Variants in DPYSL5 observed in about 807,000 individuals in gnomAD.
DPYSL5 encodes dihydropyrimidinase like 5.
A neutral mutation model predicts 58.4 loss-of-function variants in DPYSL5; 9 were observed. The observed-to-expected ratio is 0.15, with a 90% CI of 0.09 to 0.27. The LOEUF (loss-of-function observed/expected upper bound fraction) is 0.27. Among genes scored for constraint, DPYSL5 ranks in the 10% least tolerant of loss-of-function variants. The pLI is 1.00. For synonymous variants in DPYSL5, 293 were observed against 301.9 expected (o/e 0.97, Z 0.31); for missense variants, 499 against 770.6 (o/e 0.65, Z 4.17).
At position 26,933,210 on chromosome 2, in the gene DPYSL5, A is replaced by T; in HGVS notation, c.715-48A>T. 1 of 1,569,620 alleles carries T rather than the reference A, an allele frequency of 6.4e-7. No homozygotes were observed. The highest frequency in any genetic ancestry group is 1.7e-4 in the Middle Eastern group (1 of 5,996). On this transcript the variant is annotated intron_variant, in intron 6 of 12. Coordinates refer to ENST00000288699, the MANE Select transcript of DPYSL5 (RefSeq NM_020134.4). The surrounding 1 kb of genome is among the most constrained non-coding windows in gnomAD (Gnocchi z 4.2). ...TGCCAGGGTTATTCTGATGCTTGTGAAGTTTATGGGTCAACCCTCCCTACT... is the reference window on the plus strand; with the variant it reads ...TGCCAGGGTTATTCTGATGCTTGTGTAGTTTATGGGTCAACCCTCCCTACT...
At chr2:26,861,932 T>A (rs996090831) in intron 1 of DPYSL5, among the ~76,000 whole-genome samples, 1 of 152,214 alleles carries the variant, frequency 6.6e-6, no homozygotes, top group African/African-American at 2.4e-5. Context: ...TTTTGCTTGA[T>A]GAAGTAAGTG....
At chr2:26,864,949 A>G (rs1454509607) in intron 1 of DPYSL5, among the ~76,000 whole-genome samples, 1 of 152,176 alleles carries the variant, frequency 6.6e-6, no homozygotes, top group African/African-American at 2.4e-5. Context: ...GTCAGAAATG[A>G]GGAGACCTTG....
chr2:26,887,863 TTCAGGAACATAATGCCACAGGA>T (rs1375280268), intron 1 of DPYSL5, among the ~76,000 whole-genome samples: 1 of 152,086 alleles, frequency 6.6e-6, no homozygotes, highest in African/African-American at 2.4e-5. Flanking sequence ...CCATGAATGG[TTCAGGAACATAATGCCACAGGA>T]TCAGAATCCT....
chr2:26,923,645 T>C lies in DPYSL5; in HGVS notation c.262-1242T>C, dbSNP rs1402700438. On this transcript the variant is annotated intron_variant, in intron 2 of 12. Coordinates refer to ENST00000288699, the MANE Select transcript of DPYSL5 (RefSeq NM_020134.4). ...CACAAAGACTCTCATGTTATGGGAC[T>C]CTCAATTATTTAATTTAATTAATTT... is the stretch of plus-strand genomic sequence containing the variant. Among the ~76,000 whole-genome samples the C allele has an allele frequency of 2.0e-5, 3 of 152,180 alleles. No homozygotes were observed. In the East Asian group the frequency reaches 5.8e-4, roughly 29 times the overall value.
chr2:26,879,475 A>G (rs1663500782), intron 1 of DPYSL5, among the ~76,000 whole-genome samples: 1 of 151,772 alleles, frequency 6.6e-6, no homozygotes, highest in Non-Finnish European at 1.5e-5. Context: ...AAAAAAAAAA[A>G]AAAAAAGCCC....
At chr2:26,945,456 TG>T (rs1325500887) in intron 12 of DPYSL5, among the ~76,000 whole-genome samples, 1 of 152,110 alleles carries the variant, frequency 6.6e-6, no homozygotes, top group African/African-American at 2.4e-5. Flanking sequence ...CTGGGTTCCT[TG>T]GGGGGTGCGA....
intron 1 of DPYSL5, among the ~76,000 whole-genome samples, chr2:26,878,940 C>A (rs1373508866): frequency 6.6e-6 from 1 of 152,212 alleles, no homozygotes; most frequent in East Asian, 1.9e-4. Flanking sequence ...GTCCTCCAGC[C>A]CAGTCAGTGT....
At chr2:26,910,613 C>G (rs1249347311) in intron 2 of DPYSL5, among the ~76,000 whole-genome samples, 1 of 123,318 alleles carries the variant, frequency 8.1e-6, no homozygotes, top group Non-Finnish European at 1.7e-5. Flanking sequence ...CTTTCTTCTT[C>G]TTCTTTTTTT....
chr2:26,878,007 T>A (rs1422894353), intron 1 of DPYSL5, among the ~76,000 whole-genome samples: 1 of 152,254 alleles, frequency 6.6e-6, no homozygotes, highest in African/African-American at 2.4e-5. Context: ...TCGTACTACA[T>A]CTTTGTACAA....
intron 2 of DPYSL5, among the ~76,000 whole-genome samples, chr2:26,919,790 C>G (rs1234487491): frequency 1.3e-5 from 2 of 152,122 alleles, no homozygotes; most frequent in Non-Finnish European, 2.9e-5. Context: ...TGGCAGTGTC[C>G]ACCTAGAATG....
At chr2:26,894,079 T>G (rs1437621790) in intron 1 of DPYSL5, among the ~76,000 whole-genome samples, 2 of 149,082 alleles carry the variant, frequency 1.3e-5, no homozygotes, top group Non-Finnish European at 3.0e-5. Context: ...AATTATATAA[T>G]TATAATTCAT....
chr2:26,869,025 C>T (rs961044621), intron 1 of DPYSL5, among the ~76,000 whole-genome samples: 11 of 152,100 alleles, frequency 7.2e-5, no homozygotes, highest in African/African-American at 1.2e-4. Flanking sequence ...AGTGTAGTAG[C>T]GCAGTCACAG....
chr2:26,943,786 A>G (rs1234865020), intron 11 of DPYSL5, among the ~76,000 whole-genome samples: 2 of 152,302 alleles, frequency 1.3e-5, no homozygotes, highest in African/African-American at 4.8e-5. Flanking sequence ...TGGGATTGGA[A>G]CCTAGGCAGT....
chr2:26,940,508 T>A (rs368449520), intron 9 of DPYSL5, among the ~76,000 whole-genome samples: 3,789 of 151,616 alleles, frequency 0.025, 85 homozygotes, highest in Middle Eastern at 0.044. Context: ...TACTTTTTTT[T>A]TTTTTTTTCC....
At chr2:26,914,949 G>C (rs1664526843) in intron 2 of DPYSL5, among the ~76,000 whole-genome samples, 1 of 152,018 alleles carries the variant, frequency 6.6e-6, no homozygotes, top group African/African-American at 2.4e-5. Flanking sequence ...ATACCCCCGG[G>C]CTTCCTCCTA....
intron 2 of DPYSL5, among the ~76,000 whole-genome samples, chr2:26,919,223 G>A (rs4441421): frequency 0.57 from 86,322 of 152,016 alleles, 25,157 homozygotes; most frequent in East Asian, 0.68. Flanking sequence ...TGAGCCCCAC[G>A]GTGGTCTGAT....
At chr2:26,886,100 A>G (rs1663712451) in intron 1 of DPYSL5, among the ~76,000 whole-genome samples, 1 of 152,216 alleles carries the variant, frequency 6.6e-6, no homozygotes, top group Non-Finnish European at 1.5e-5. Flanking sequence ...CTCATTAGCT[A>G]GACTTTCAGT....
At chr2:26,895,782 T>C (rs1026051144) in intron 1 of DPYSL5, among the ~76,000 whole-genome samples, 11 of 141,966 alleles carry the variant, frequency 7.7e-5, no homozygotes, top group Non-Finnish European at 1.4e-4. Context: ...TTTCTTTTTT[T>C]TTTTTTTTTT....
chr2:26,902,727 C>T (rs1245858532), intron 2 of DPYSL5, among the ~76,000 whole-genome samples: 4 of 152,134 alleles, frequency 2.6e-5, no homozygotes, highest in Admixed American at 1.3e-4. Flanking sequence ...CATTCTAAGT[C>T]ACAAGATGAG....
Sources: allele counts gnomAD v4.1 joint callset (sites outside exome capture counted in the v4.1 genomes callset), GRCh38; gene constraint gnomAD v4.1.1; non-coding constraint Gnocchi (gnomAD v3.1); transcripts MANE v1.5; gene names NCBI Gene and HGNC (gene_info 2026-07-23, HGNC 2026-07-21).